Variants in COG7 observed in about 807,000 individuals in gnomAD.
The protein encoded by COG7 is component of oligomeric golgi complex 7.
COG7 carries 49 observed loss-of-function variants against 91.5 expected under a neutral mutation model. The ratio of observed to expected loss-of-function variants is 0.54; its 90% CI spans 0.43 to 0.68. The LOEUF is 0.68. COG7 is among the 30% of genes least tolerant of loss of function. The probability of loss-of-function intolerance (pLI) is 0.00; values close to 1 mark genes in which losing one functional copy is unlikely to be tolerated. For synonymous variants in COG7, 365 were observed against 388.7 expected (o/e 0.94, Z 0.72); for missense variants, 895 against 961.3 (o/e 0.93, Z 0.91).
Position 23,406,170 on chromosome 16 carries a change from T to A in COG7, c.1568A>T (p.Asn523Ile). The change falls in exon 12 of 17, where the codon AAC becomes ATC. Residue 523 changes from asparagine to isoleucine, a missense_variant. Coordinates refer to ENST00000307149, the MANE Select transcript of COG7 (RefSeq NM_153603.4). ...TTCTTGCCATGGGTTCTTGGCAGAG[T>A]TCTTCTTGTCTGTCAAGATGCTCTC... ...FQESILTDKK[N>I]SAKNPWQEYN... 3.1e-6 allele frequency: 5 copies of A among 1,613,968 alleles called. No homozygotes were observed. Among genetic ancestry groups the A allele is most frequent in the Non-Finnish European group, 4.2e-6 (5 of 1,179,844 alleles).
intron 11 of COG7, 43 bp from the exon 12 acceptor site, chr16:23,406,305 T>C (rs371786196): frequency 5.2e-6 from 8 of 1,532,634 alleles, no homozygotes; most frequent in African/African-American, 1.4e-5. Flanking sequence ...GCTATTTGCA[T>C]GGAACTTTCT....
chr16:23,410,239 A>C, intron 11 of COG7, 56 bp downstream of exon 11: 1 of 1,460,348 alleles, frequency 6.8e-7, no homozygotes, highest in Admixed American at 1.7e-5. Context: ...TACTAGACCA[A>C]GCTCGTGCTG....
chr16:23,411,571 C>T (rs1963562362), intron 10 of COG7, among the ~76,000 whole-genome samples: 1 of 152,102 alleles, frequency 6.6e-6, no homozygotes, highest in South Asian at 2.1e-4. Context: ...AATAGGTAAA[C>T]GTGTGTCATC....
Position 23,453,110 on chromosome 16 carries a change from C to A in COG7, c.-116G>T, listed in dbSNP as rs1002582203. On this transcript the variant is annotated 5_prime_UTR_variant, in exon 1 of 17. Coordinates refer to ENST00000307149, the MANE Select transcript of COG7 (RefSeq NM_153603.4). ...CCGAGGCTAGCCTCCGAGGCGAACC[C>A]CAGAAACGCCAGGACGGGTAACTTG... 1.4e-5 allele frequency: 22 copies of A among 1,525,796 alleles called. No individual in the cohort carries two copies. Among genetic ancestry groups the A allele is most frequent in the African/African-American group, 2.8e-5 (2 of 72,608 alleles). The allele number at this position is 1,525,796 out of a possible 1,614,324, so 94.5% of individuals were successfully genotyped here. A position where few individuals can be genotyped will look rare whatever the true frequency, so the allele number is the denominator to read the frequency against.
chr16:23,416,816 T>C, intron 9 of COG7, 151 bp downstream of exon 9: 4 of 849,402 alleles, frequency 4.7e-6, no homozygotes, highest in Non-Finnish European at 7.6e-6. Flanking sequence ...TTACAAACAA[T>C]GCCACTATGA....
chr16:23,417,035 T>C lies in COG7; in HGVS notation c.1224A>G (p.Arg408=). 6.2e-7 allele frequency: 1 copy of C among 1,614,234 alleles called. No individual in the cohort carries two copies. The highest frequency in any genetic ancestry group is 8.5e-7 in the Non-Finnish European group (1 of 1,180,042). The change falls in exon 9 of 17, where the codon AGA becomes AGG. Residue 408 remains arginine, a synonymous_variant. Transcript: ENST00000307149. ...CCAGGCCATTGGTGAATCTGACGCA[T>C]CTGTCAACGGCTGCAGACGCCAGAC... The part of the protein sequence containing the change: ...LFGLASAAVD[R]CVRFTNGLGT...
chr16:23,437,221 A>G (rs1964026709), intron 4 of COG7, among the ~76,000 whole-genome samples: 1 of 152,152 alleles, frequency 6.6e-6, no homozygotes, highest in Non-Finnish European at 1.5e-5. Flanking sequence ...AACCAAACCC[A>G]TGATGCTGAA....
intron 10 of COG7, among the ~76,000 whole-genome samples, chr16:23,411,502 AT>A (rs906448967): frequency 6.6e-6 from 1 of 152,090 alleles, no homozygotes; most frequent in Non-Finnish European, 1.5e-5. Flanking sequence ...AGAACATTAC[AT>A]TTTTTTTAAA....
chr16:23,427,235 A>G (rs1026522287), intron 6 of COG7, among the ~76,000 whole-genome samples: 14 of 152,076 alleles, frequency 9.2e-5, no homozygotes, highest in African/African-American at 3.1e-4. Flanking sequence ...TGGGCGAAAG[A>G]GCAAAACTCT....
At chr16:23,414,332 A>C (rs1301550761) in intron 9 of COG7, 1 of 152,278 alleles carries the variant, frequency 6.6e-6, no homozygotes, top group Non-Finnish European at 1.5e-5. Context: ...CATCTCTAAA[A>C]AAAACAAAAA....
At chr16:23,413,003 A>T (rs1420540678) in intron 10 of COG7, 1 of 187,304 alleles carries the variant, frequency 5.3e-6, no homozygotes, top group Non-Finnish European at 1.1e-5. Context: ...TGAACTCTTA[A>T]ATGGCCCTTT....
At chr16:23,444,229 T>C (rs1964147829) in intron 3 of COG7, among the ~76,000 whole-genome samples, 1 of 152,076 alleles carries the variant, frequency 6.6e-6, no homozygotes, top group African/African-American at 2.4e-5. Context: ...TCCTGTGTAA[T>C]AAATTTGTTC....
chr16:23,393,603 T>C (rs1963236107), intron 14 of COG7: 3 of 508,756 alleles, frequency 5.9e-6, no homozygotes, highest in East Asian at 7.1e-5. Context: ...TTCAACACAA[T>C]CTCTATCTCC....
chr16:23,441,462 C>T (rs1445137659), intron 4 of COG7, among the ~76,000 whole-genome samples: 1 of 152,142 alleles, frequency 6.6e-6, no homozygotes, highest in East Asian at 1.9e-4. Flanking sequence ...GTAATCCCAG[C>T]TACTCGGGAG....
Position 23,430,488 on chromosome 16 carries a change from A to G in COG7, c.810+3057T>C, listed in dbSNP as rs932482076. Among the ~76,000 whole-genome samples the G allele has an allele frequency of 3.3e-5, 5 of 152,012 alleles. No individual in the cohort carries two copies. In the East Asian group the frequency reaches 9.7e-4, roughly 29 times the overall value. ...TTACCTAAAAAAAATGTAAGTAAAC[A>G]TTGAACTCTAGTTAATAATATGTAT... is the stretch of plus-strand genomic sequence containing the variant. On this transcript the variant is annotated intron_variant, in intron 6 of 16. Transcript: ENST00000307149.
chr16:23,429,308 C>T (rs920380590), intron 6 of COG7, among the ~76,000 whole-genome samples: 1 of 152,042 alleles, frequency 6.6e-6, no homozygotes, highest in Non-Finnish European at 1.5e-5. Context: ...TCTTACAAAC[C>T]TAAACATACA....
At chr16:23,398,272 C>G in intron 13 of COG7, 143 bp from the exon 14 acceptor site, 1 of 706,454 alleles carries the variant, frequency 1.4e-6, no homozygotes, top group Admixed American at 2.2e-5. Flanking sequence ...CTCCACCACT[C>G]AGCAGGCAGG....
intron 9 of COG7, chr16:23,416,573 T>A (rs1056588030): frequency 1.4e-4 from 41 of 292,024 alleles, no homozygotes; most frequent in South Asian, 1.4e-3. Context: ...GTTTAAGCAA[T>A]CCACCTGTCT....
Position 23,453,081 on chromosome 16 carries a change from A to G in COG7, c.-87T>C. On this transcript the variant is annotated 5_prime_UTR_variant, in exon 1 of 17. Transcript: ENST00000307149. ...ATGCAGAAGCGAGCGAGCCTGCGAG[A>G]GCACCGAGGCTAGCCTCCGAGGCGA... The G allele has an allele frequency of 6.3e-7, 1 of 1,590,482 alleles. No homozygotes were observed. Among genetic ancestry groups the G allele is most frequent in the Non-Finnish European group, 8.6e-7 (1 of 1,167,260 alleles).
Sources: allele counts gnomAD v4.1 joint callset (sites outside exome capture counted in the v4.1 genomes callset), GRCh38; gene constraint gnomAD v4.1.1; transcripts MANE v1.5; gene names NCBI Gene and HGNC (gene_info 2026-07-23, HGNC 2026-07-21).